ALKBH5: variants seen among roughly 807,000 people sequenced by gnomAD.
ALKBH5 encodes the protein alkB homolog 5, RNA demethylase.
In ALKBH5, 2 loss-of-function variants were observed where a neutral mutation model predicts 32.1. The observed-to-expected ratio is 0.06, with a 90% CI of 0.03 to 0.20. The LOEUF is 0.20. Ranked by LOEUF, ALKBH5 falls within the 10% of genes least tolerant of loss-of-function variation. ALKBH5 has a pLI of 1.00. For synonymous variants in ALKBH5, 300 were observed against 231.7 expected (o/e 1.29, Z -2.68); for missense variants, 352 against 559.5 (o/e 0.63, Z 3.74).
chr17:18,191,850 G>A (rs2047176780), intron 1 of ALKBH5, among the ~76,000 whole-genome samples: 1 of 151,914 alleles, frequency 6.6e-6, no homozygotes, highest in Non-Finnish European at 1.5e-5. Context: ...TTGGGGGTCT[G>A]AGGCAGGAGA....
At chr17:18,201,797 A>ATAGATAGGATAGAT (rs2047239925) in intron 2 of ALKBH5, among the ~76,000 whole-genome samples, 2 of 37,384 alleles carry the variant, frequency 5.3e-5, no homozygotes, top group African/African-American at 1.3e-4. Flanking sequence ...GATAGATAAG[A>ATAGATAGGATAGAT]TAGATAGATA....
intron 2 of ALKBH5, among the ~76,000 whole-genome samples, chr17:18,202,758 C>G (rs1268785129): frequency 6.6e-6 from 1 of 151,836 alleles, no homozygotes. Context: ...GAGGGCCCAC[C>G]TGCACTTTAT....
In ALKBH5 at chr17:18,208,467, T is replaced by G. The variant is rs766613811; in HGVS notation, c.*71T>G. The G allele has an allele frequency of 1.6e-5, 25 of 1,554,544 alleles. No individual in the cohort carries two copies. The highest frequency in any genetic ancestry group is 2.1e-5 in the Non-Finnish European group (24 of 1,138,486). On this transcript the variant is annotated 3_prime_UTR_variant, in exon 4 of 4. Transcript: ENST00000399138. ...TTGCCCCTCCTTTTGTTTTGAGGGT[T>G]TTGTTTTTGTTCATTGGGGGGTTTT...
chr17:18,192,868 T>TTA (rs984701852), intron 1 of ALKBH5, among the ~76,000 whole-genome samples: 1 of 89,058 alleles, frequency 1.1e-5, no homozygotes, highest in African/African-American at 3.3e-5. Flanking sequence ...TTTTTTTTTT[T>TTA]TTTTTTTTTG....
intron 2 of ALKBH5, 96 bp from the exon 3 acceptor site, chr17:18,206,719 G>A (rs1290553280): frequency 1.4e-6 from 2 of 1,392,558 alleles, no homozygotes; most frequent in African/African-American, 1.4e-5. Flanking sequence ...TCCAGGTCTA[G>A]CTGGCTCCCA....
rs1171464043 is a variant in ALKBH5, at chr17:18,208,300, C to T, written c.1089C>T (p.Ser363=). The change falls in exon 4 of 4, where the codon AGC becomes AGT. Residue 363 remains serine, a synonymous_variant. Coordinates refer to ENST00000399138, the MANE Select transcript of ALKBH5 (RefSeq NM_017758.4). ...CACACCGGCGGAGGGGTAGCTTCAG[C>T]TCTGAGAACTACTGGCGCAAGTCAT... ...LPTHRRRGSF[S]SENYWRKSYE... is the part of the protein sequence containing the mutation. The T allele has an allele frequency of 6.2e-7, 1 of 1,614,124 alleles. No homozygotes were observed. Among genetic ancestry groups the T allele is most frequent in the African/African-American group, 1.3e-5 (1 of 75,020 alleles).
intron 3 of ALKBH5, 151 bp downstream of exon 3, chr17:18,207,121 T>C (rs962677339): frequency 4.4e-5 from 48 of 1,097,400 alleles, no homozygotes; most frequent in South Asian, 1.2e-4. Flanking sequence ...GTGGCATTGG[T>C]GACATTCCCA....
rs1597843286 is a variant in ALKBH5 at position 18,206,709 on chromosome 17, T to TCCAGGTCTAGCTGGCTC, written c.852-102_852-86dup. 13 of 1,276,170 alleles carry TCCAGGTCTAGCTGGCTC rather than the reference T, an allele frequency of 1.0e-5. No individual in the cohort carries two copies. The East Asian group carries it at 3.0e-4, about 30-fold the overall frequency. 79.1% of individuals were successfully genotyped at this position (1,276,170 alleles called of 1,614,324 possible). On this transcript the variant is annotated intron_variant, in intron 2 of 3. Coordinates refer to ENST00000399138, the MANE Select transcript of ALKBH5 (RefSeq NM_017758.4). Reference sequence around the variant, plus strand: ...AGGTACAGAGCAGAGACTGCTGGCTTCCAGGTCTAGCTGGCTCCCACTTGG... The same window carrying TCCAGGTCTAGCTGGCTC: ...AGGTACAGAGCAGAGACTGCTGGCTTCCAGGTCTAGCTGGCTCCCAGGTCTAGCTGGCTCCCACTTGG...
At chr17:18,196,770 A>G (rs565279116) in intron 2 of ALKBH5, among the ~76,000 whole-genome samples, 1 of 152,226 alleles carries the variant, frequency 6.6e-6, no homozygotes, top group Non-Finnish European at 1.5e-5. Flanking sequence ...ATGCATGCCC[A>G]CAGTTAAAGA....
At chr17:18,196,134 G>A (rs1327528042) in intron 2 of ALKBH5, among the ~76,000 whole-genome samples, 2 of 150,918 alleles carry the variant, frequency 1.3e-5, no homozygotes, top group Admixed American at 6.6e-5. Context: ...ATCATCCTAC[G>A]TTACATTTAG....
rs766292029 is a variant in ALKBH5 at position 18,185,018 on chromosome 17, C to A, written c.770+5C>A. Reference sequence around the variant, plus strand: ...GGGAAGCGTGACTGTGCTCAGGTAACCCACCCGGGTGGAGGGGGCGGCCCT... The same window carrying A: ...GGGAAGCGTGACTGTGCTCAGGTAAACCACCCGGGTGGAGGGGGCGGCCCT... On this transcript the variant is annotated splice_donor_5th_base_variant and intron_variant, in intron 1 of 3. Transcript: ENST00000399138. 5 of 1,602,120 alleles carry A rather than the reference C, an allele frequency of 3.1e-6. No individual in the cohort carries two copies. In the South Asian group the frequency reaches 4.4e-5, roughly 14 times the overall value.
chr17:18,184,047 C>A lies in ALKBH5; in HGVS notation c.-197C>A, dbSNP rs961485390. 3.0e-6 allele frequency: 2 copies of A among 677,254 alleles called. No individual in the cohort carries two copies. The highest frequency in any genetic ancestry group is 2.1e-5 in the Admixed American group (1 of 48,332). 42.0% of individuals were successfully genotyped at this position (677,254 alleles called of 1,614,324 possible). A position where few individuals can be genotyped will look rare whatever the true frequency, so the allele number is the denominator to read the frequency against. ...GAGGAAGAAGCCCCGTTGTCGCCAC[C>A]GTTGCATGACCCGCCGCTCCTGAGG... On this transcript the variant is annotated 5_prime_UTR_variant, in exon 1 of 4. Transcript: ENST00000399138.
intron 2 of ALKBH5, among the ~76,000 whole-genome samples, chr17:18,204,740 CCT>C (rs1367343321): frequency 1.3e-5 from 2 of 150,306 alleles, no homozygotes; most frequent in African/African-American, 2.4e-5. Context: ...AGAAGGAGCC[CCT>C]GTCTCAAAAA....
Position 18,184,339 on chromosome 17 carries a change from C to A in ALKBH5, c.96C>A (p.Ala32=), listed in dbSNP as rs2047122511. ...NYKAGSREAA[A]AAAAAVAAAA... ...AGGCGGGCAGCCGGGAGGCCGCCGC[C>A]GCTGCCGCAGCCGCCGTAGCCGCCG... The change falls in exon 1 of 4, where the codon GCC becomes GCA. Residue 32 remains alanine, a synonymous_variant. Transcript: ENST00000399138. 6.6e-7 allele frequency: 1 copy of A among 1,512,136 alleles called. No individual in the cohort carries two copies. Among genetic ancestry groups the A allele is most frequent in the Admixed American group, 2.3e-5 (1 of 42,828 alleles). 93.7% of individuals were successfully genotyped at this position (1,512,136 alleles called of 1,614,324 possible). A position where few individuals can be genotyped will look rare whatever the true frequency, so the allele number is the denominator to read the frequency against.
intron 2 of ALKBH5, among the ~76,000 whole-genome samples, chr17:18,205,809 G>T (rs186870072): frequency 4.7e-4 from 72 of 152,266 alleles, no homozygotes; most frequent in South Asian, 2.1e-4. Flanking sequence ...GCATCCTCTA[G>T]TATCCTTAGA....
intron 2 of ALKBH5, among the ~76,000 whole-genome samples, chr17:18,203,551 T>C (rs185514579): frequency 3.3e-5 from 5 of 152,364 alleles, no homozygotes; most frequent in Admixed American, 3.3e-4. Context: ...CTGACTCATC[T>C]GTAAGGCAGG....
intron 1 of ALKBH5, among the ~76,000 whole-genome samples, chr17:18,185,667 A>G (rs769745887): frequency 1.3e-5 from 2 of 152,190 alleles, no homozygotes; most frequent in Non-Finnish European, 2.9e-5. Context: ...TCAGGACTGA[A>G]TACAACAGAA....
chr17:18,188,563 G>C (rs2047153734), intron 1 of ALKBH5, among the ~76,000 whole-genome samples: 2 of 152,234 alleles, frequency 1.3e-5, no homozygotes. Flanking sequence ...CATCTCTTGT[G>C]TGGACTCTTC....
intron 2 of ALKBH5, among the ~76,000 whole-genome samples, chr17:18,202,217 A>G (rs1185656241): frequency 6.6e-6 from 1 of 152,152 alleles, no homozygotes; most frequent in African/African-American, 2.4e-5. Flanking sequence ...CTGAGGCAGG[A>G]GAATGGCATG....
Sources: gnomAD v4.1 joint callset for allele counts (sites outside exome capture counted in the v4.1 genomes callset) on GRCh38, gnomAD v4.1.1 for gene constraint, MANE v1.5 for transcripts, NCBI Gene and HGNC (gene_info 2026-07-23, HGNC 2026-07-21) for gene names.